PSMB7: variants seen among roughly 807,000 people sequenced by gnomAD.
PSMB7 encodes proteasome subunit beta type-7.
In PSMB7, 5 loss-of-function variants were observed where a neutral mutation model predicts 28.1. The ratio of observed to expected loss-of-function variants is 0.18; its 90% CI spans 0.09 to 0.37. PSMB7 has a LOEUF of 0.37. Among genes scored for constraint, PSMB7 ranks in the 10% least tolerant of loss-of-function variants. The pLI is 1.00. For synonymous variants in PSMB7, 122 were observed against 123.7 expected, an observed-to-expected ratio of 0.99 and a Z score of 0.09; for missense variants, 275 against 346.2, an observed-to-expected ratio of 0.79 and a Z score of 1.63.
chr9:124,396,415 G>T (rs1030753952), intron 5 of PSMB7, among the ~76,000 whole-genome samples: 3 of 152,170 alleles, frequency 2.0e-5, no homozygotes, highest in African/African-American at 7.2e-5. Context: ...TCACTTAATT[G>T]TAAGATTCTT....
At chr9:124,363,008 TAAAG>T (rs911680190) in intron 6 of PSMB7, among the ~76,000 whole-genome samples, 2 of 152,174 alleles carry the variant, frequency 1.3e-5, no homozygotes, top group African/African-American at 4.8e-5. Context: ...ATTTGGACTC[TAAAG>T]AGAGAGGATG....
Position 124,356,748 on chromosome 9 carries a change from C to A in PSMB7, c.722+16G>T. 6.2e-7 allele frequency: 1 copy of A among 1,603,476 alleles called. No homozygotes were observed. ...ACGCCAGGGGACCCAGGAAGAACTT[C>A]GTCTCCTTCACTCACCTGGTCCCCT... On this transcript the variant is annotated intron_variant, in intron 7 of 7. Transcript: ENST00000259457. The surrounding 1 kb of genome is among the most constrained non-coding windows in gnomAD (Gnocchi z 4.4).
chr9:124,391,129 G>C (rs1830783128), intron 5 of PSMB7, among the ~76,000 whole-genome samples: 1 of 152,176 alleles, frequency 6.6e-6, no homozygotes, highest in Non-Finnish European at 1.5e-5. Flanking sequence ...AGATGCACAC[G>C]GTACTTAAGA....
intron 5 of PSMB7, among the ~76,000 whole-genome samples, chr9:124,397,989 G>A (rs1205876480): frequency 6.6e-6 from 1 of 152,132 alleles, no homozygotes; most frequent in African/African-American, 2.4e-5. Flanking sequence ...CCAACACGGT[G>A]AAACCCCGTC....
intron 5 of PSMB7, among the ~76,000 whole-genome samples, chr9:124,386,503 G>A (rs1001840068): frequency 2.0e-5 from 3 of 152,158 alleles, no homozygotes; most frequent in Non-Finnish European, 4.4e-5. Context: ...TGCCATGAAC[G>A]AACGAGGCAA....
At chr9:124,387,429 G>C (rs1354976433) in intron 5 of PSMB7, among the ~76,000 whole-genome samples, 5 of 152,028 alleles carry the variant, frequency 3.3e-5, no homozygotes, top group African/African-American at 9.7e-5. Context: ...ATAGGACTTG[G>C]GGCTTTTACT....
intron 5 of PSMB7, among the ~76,000 whole-genome samples, chr9:124,386,411 G>A (rs942214195): frequency 1.1e-4 from 16 of 152,340 alleles, no homozygotes; most frequent in Non-Finnish European, 1.9e-4. Context: ...AACCTAAGTT[G>A]CTGTTTTCAG....
At chr9:124,367,762 T>C (rs1238101817) in intron 6 of PSMB7, among the ~76,000 whole-genome samples, 6 of 152,136 alleles carry the variant, frequency 3.9e-5, no homozygotes, top group African/African-American at 1.4e-4. Flanking sequence ...ATGAGGATGA[T>C]ACGAAGTGTC....
At chr9:124,386,269 C>G (rs771114678) in intron 5 of PSMB7, among the ~76,000 whole-genome samples, 1 of 152,004 alleles carries the variant, frequency 6.6e-6, no homozygotes, top group Non-Finnish European at 1.5e-5. Context: ...TATGTGAGAG[C>G]AAATTCAGCA....
chr9:124,361,094 A>G (rs1343965389), intron 6 of PSMB7, among the ~76,000 whole-genome samples: 1 of 152,090 alleles, frequency 6.6e-6, no homozygotes, highest in Non-Finnish European at 1.5e-5. Context: ...CAAAAAGCAT[A>G]CTCCCTAAAG....
chr9:124,410,109 A>G (rs143250722), intron 4 of PSMB7, among the ~76,000 whole-genome samples: 1 of 150,532 alleles, frequency 6.6e-6, no homozygotes, highest in Non-Finnish European at 1.5e-5. Flanking sequence ...TCCCGGGTTC[A>G]TGCCATTCTC....
chr9:124,368,480 G>A (rs918543952), intron 6 of PSMB7, among the ~76,000 whole-genome samples: 5 of 152,104 alleles, frequency 3.3e-5, no homozygotes, highest in South Asian at 2.1e-4. Flanking sequence ...TCTAGTCATC[G>A]AATCCCACGG....
chr9:124,383,388 C>T (rs888746762), intron 6 of PSMB7, among the ~76,000 whole-genome samples: 2 of 152,130 alleles, frequency 1.3e-5, no homozygotes, highest in Non-Finnish European at 2.9e-5. Context: ...AGAAATCTTG[C>T]CAAGTGACCA....
chr9:124,412,552 TA>T, intron 3 of PSMB7, 60 bp from the exon 4 acceptor site: 1 of 1,574,860 alleles, frequency 6.3e-7, no homozygotes, highest in Non-Finnish European at 8.7e-7. Flanking sequence ...CAATTAGAAG[TA>T]ATGGGTTCTT....
rs2131139377 is a variant in PSMB7, at chr9:124,356,895, C to T, written c.591G>A (p.Leu197=). 6.2e-7 allele frequency: 1 copy of T among 1,614,188 alleles called. No individual in the cohort carries two copies. The highest frequency in any genetic ancestry group is 2.2e-5 in the East Asian group (1 of 44,884). Residue 197 remains leucine, a synonymous_variant, in exon 7 of 8, where the codon CTG becomes CTA. Transcript: ENST00000259457. The surrounding 1 kb of genome is among the most constrained non-coding windows in gnomAD (Gnocchi z 4.4). ...TGCCAGCTGCGATGGCTTCGCTCAC[C>T]AGATTCTTGGCTTCCTCCTCCTGAG... The part of the protein sequence containing the change: ...PDMEEEEAKN[L]VSEAIAAGIF...
intron 4 of PSMB7, among the ~76,000 whole-genome samples, chr9:124,410,455 T>C (rs1258140200): frequency 6.6e-6 from 1 of 152,106 alleles, no homozygotes; most frequent in Non-Finnish European, 1.5e-5. Context: ...ACACATCGTG[T>C]AGAAAAAAAG....
chr9:124,413,392 G>C (rs890378202), intron 3 of PSMB7, among the ~76,000 whole-genome samples: 2 of 151,908 alleles, frequency 1.3e-5, no homozygotes, highest in African/African-American at 4.8e-5. Flanking sequence ...CTATGAGACT[G>C]TGCAAGGCCA....
chr9:124,398,515 T>G (rs1048857368), intron 5 of PSMB7: 7 of 322,568 alleles, frequency 2.2e-5, no homozygotes, highest in African/African-American at 9.2e-5. Flanking sequence ...ACGTTGTTTT[T>G]GGGTAGTAAA....
chr9:124,356,031 G>A lies in PSMB7; in HGVS notation c.722+733C>T, dbSNP rs55913281. On this transcript the variant is annotated intron_variant, in intron 7 of 7. Coordinates refer to ENST00000259457, the MANE Select transcript of PSMB7 (RefSeq NM_002799.4). The surrounding 1 kb of genome is among the most constrained non-coding windows in gnomAD (Gnocchi z 4.4). ...TAAATGCCCTGTGCTGCACCCAGAT[G>A]CTGCAGCTGGAAGCAGCACTCAGGG... 9.9e-3 allele frequency among the ~76,000 whole-genome samples: 1,503 copies of A among 152,226 alleles called. 27 individuals carry two copies. Among genetic ancestry groups the A allele is most frequent in the African/African-American group, 0.034 (1,425 of 41,516 alleles).
Sources: allele counts gnomAD v4.1 joint callset (sites outside exome capture counted in the v4.1 genomes callset), GRCh38; gene constraint gnomAD v4.1.1; non-coding constraint Gnocchi (gnomAD v3.1); transcripts MANE v1.5; gene names NCBI Gene and HGNC (gene_info 2026-07-23, HGNC 2026-07-21).